Variants in TAF3 observed in about 807,000 individuals in gnomAD.
TAF3 encodes transcription initiation factor TFIID subunit 3.
In TAF3, 7 loss-of-function variants were observed where a neutral mutation model predicts 80.6. The ratio of observed to expected loss-of-function variants is 0.09; its 90% CI spans 0.05 to 0.16. The LOEUF is 0.16. TAF3 is among the 10% of genes least tolerant of loss of function. The pLI is 1.00. For missense variants in TAF3, 921 were observed against 1,140.2 expected (o/e 0.81, Z 2.77); for synonymous variants, 444 against 446.1 (o/e 1.00, Z 0.06).
intron 2 of TAF3, among the ~76,000 whole-genome samples, chr10:7,856,381 G>A (rs11255406): frequency 0.16 from 23,928 of 152,146 alleles, 2,030 homozygotes; most frequent in Admixed American, 0.22. Context: ...TCGGGAGGCC[G>A]AGGCAGGAGA....
chr10:7,937,432 A>T (rs543912505), intron 2 of TAF3, among the ~76,000 whole-genome samples: 1 of 152,348 alleles, frequency 6.6e-6, no homozygotes, highest in South Asian at 2.1e-4. Context: ...CTAATAACAT[A>T]TAATGTGGAA....
chr10:8,005,659 G>A (rs1216046540), intron 4 of TAF3, among the ~76,000 whole-genome samples: 1 of 152,202 alleles, frequency 6.6e-6, no homozygotes, highest in Non-Finnish European at 1.5e-5. Context: ...CAGGGTTCCT[G>A]CTTTTCCCTT....
chr10:7,822,471 A>G lies in TAF3; in HGVS notation c.167-1847A>G, dbSNP rs569121534. 1.2e-4 allele frequency among the ~76,000 whole-genome samples: 18 copies of G among 146,696 alleles called. No homozygotes were observed. In the East Asian group the frequency reaches 3.4e-3, roughly 27 times the overall value. ...TTTTCTTTTTTTAATGCATCACAGA[A>G]GTAACCCATACTTATAGAAAAAAAA... On this transcript the variant is annotated intron_variant, in intron 1 of 6. Transcript: ENST00000344293.
At chr10:7,843,170 T>C (rs762533049) in intron 2 of TAF3, among the ~76,000 whole-genome samples, 2 of 151,954 alleles carry the variant, frequency 1.3e-5, no homozygotes, top group African/African-American at 2.4e-5. Flanking sequence ...CAGGCTGGGG[T>C]GCATATAGCT....
chr10:7,860,868 C>T (rs1356883149), intron 2 of TAF3, among the ~76,000 whole-genome samples: 9 of 148,636 alleles, frequency 6.1e-5, no homozygotes, highest in Non-Finnish European at 1.0e-4. Context: ...GGTGTGATCT[C>T]GGGTCGCTGC....
chr10:7,925,574 C>G (rs1837806465), intron 2 of TAF3, among the ~76,000 whole-genome samples: 1 of 151,910 alleles, frequency 6.6e-6, no homozygotes, highest in Non-Finnish European at 1.5e-5. Context: ...GAGGCCAGGG[C>G]AGGTGGATCA....
chr10:7,964,606 C>G lies in TAF3; in HGVS notation c.1096C>G (p.Pro366Ala), dbSNP rs766950049. 2.6e-5 allele frequency: 42 copies of G among 1,613,948 alleles called. No homozygotes were observed. The highest frequency in any genetic ancestry group is 1.6e-4 in the Middle Eastern group (1 of 6,084). ...CCAGGTAAAACAAATACAGACACCC[C>G]CTGATGCTGGGAAACTGAACAGTGA... ...TIQVKQIQTP[P>A]DAGKLNSENQ... Residue 366 changes from proline to alanine, a missense_variant, in exon 3 of 7, where the codon CCT becomes GCT. Pro to Ala is a conservative substitution (Grantham distance 27). Coordinates refer to ENST00000344293, the MANE Select transcript of TAF3 (RefSeq NM_031923.4). The surrounding 1 kb of genome is among the most constrained non-coding windows in gnomAD (Gnocchi z 4.1).
At chr10:7,841,943 C>A (rs1231372957) in intron 2 of TAF3, among the ~76,000 whole-genome samples, 1 of 152,042 alleles carries the variant, frequency 6.6e-6, no homozygotes, top group East Asian at 1.9e-4. Context: ...GTACCCAGGG[C>A]AGACTTGGTT....
rs59502450 is a variant in TAF3, at chr10:8,006,179, TACACACACACACACACACACACAC to T, written c.2316-2877_2316-2854del. On this transcript the variant is annotated intron_variant, in intron 4 of 6. Transcript: ENST00000344293. ...ACCCCGTCTCTACTGAAAAAAAAAA[TACACACACACACACACACACACAC>T]ACACACACACACACACACACAAATT... Among the ~76,000 whole-genome samples, 113 of 134,674 alleles carry T rather than the reference TACACACACACACACACACACACAC, an allele frequency of 8.4e-4. 2 individuals are homozygous for T. The highest frequency in any genetic ancestry group is 2.9e-3 in the African/African-American group (102 of 35,566). 88.4% of individuals were successfully genotyped at this position (134,674 alleles called of 152,430 possible).
intron 2 of TAF3, among the ~76,000 whole-genome samples, chr10:7,925,013 T>C (rs1161589242): frequency 6.6e-6 from 1 of 152,210 alleles, no homozygotes; most frequent in Non-Finnish European, 1.5e-5. Context: ...TTTGTAAGGT[T>C]CAAACTATAT....
rs76618254 is a variant in TAF3, at chr10:7,890,579, T to C, written c.409+66019T>C. 8.8e-3 allele frequency among the ~76,000 whole-genome samples: 1,335 copies of C among 152,366 alleles called. 21 individuals carry two copies. Among genetic ancestry groups the C allele is most frequent in the African/African-American group, 0.03 (1,251 of 41,582 alleles). On this transcript the variant is annotated intron_variant, in intron 2 of 6. Transcript: ENST00000344293. ...TCTATCTTTTCAGTACAGTCAAGAC[T>C]CTTTCTGTGAGTGTTGATTGTCTGA...
chr10:7,838,591 A>G (rs1836876329), intron 2 of TAF3, among the ~76,000 whole-genome samples: 1 of 152,190 alleles, frequency 6.6e-6, no homozygotes, highest in Non-Finnish European at 1.5e-5. Flanking sequence ...CATGTTGGCC[A>G]GGCTGGTCTC....
At chr10:7,839,222 A>T (rs1836885643) in intron 2 of TAF3, among the ~76,000 whole-genome samples, 1 of 152,234 alleles carries the variant, frequency 6.6e-6, no homozygotes, top group East Asian at 1.9e-4. Context: ...CACCATGCCC[A>T]CCCTGGCTTC....
At chr10:8,001,066 T>G (rs1343019861) in intron 4 of TAF3, among the ~76,000 whole-genome samples, 1 of 152,230 alleles carries the variant, frequency 6.6e-6, no homozygotes, top group Non-Finnish European at 1.5e-5. Context: ...ATTGCAGTTA[T>G]TCTAGTTTTT....
intron 2 of TAF3, among the ~76,000 whole-genome samples, chr10:7,861,119 G>T (rs1022818552): frequency 6.6e-6 from 1 of 152,040 alleles, no homozygotes; most frequent in Non-Finnish European, 1.5e-5. Flanking sequence ...CTGCCACTAT[G>T]CCCGGCTAAT....
At chr10:7,973,787 A>C (rs1380363658) in intron 3 of TAF3, among the ~76,000 whole-genome samples, 1 of 152,234 alleles carries the variant, frequency 6.6e-6, no homozygotes, top group East Asian at 1.9e-4. Flanking sequence ...ATAAGACTGG[A>C]CCATTTGTTT....
chr10:7,950,623 G>A (rs769119446), intron 2 of TAF3, among the ~76,000 whole-genome samples: 4 of 152,196 alleles, frequency 2.6e-5, no homozygotes, highest in Non-Finnish European at 5.9e-5. Flanking sequence ...GTATATCCAT[G>A]TAGTTATATA....
At chr10:7,939,606 A>T (rs922583703) in intron 2 of TAF3, among the ~76,000 whole-genome samples, 2 of 151,246 alleles carry the variant, frequency 1.3e-5, no homozygotes, top group Non-Finnish European at 3.0e-5. Context: ...ACACACACAC[A>T]CACACACACA....
intron 2 of TAF3, chr10:7,833,825 A>G: frequency 1.7e-6 from 1 of 586,558 alleles, no homozygotes; most frequent in Non-Finnish European, 2.5e-6. Flanking sequence ...GTTCTTCAGC[A>G]GAACTGTCTC....
Sources: gnomAD v4.1 joint callset for allele counts (sites outside exome capture counted in the v4.1 genomes callset) on GRCh38, gnomAD v4.1.1 for gene constraint, Gnocchi (gnomAD v3.1) non-coding constraint, MANE v1.5 for transcripts, NCBI Gene and HGNC (gene_info 2026-07-23, HGNC 2026-07-21) for gene names.